METTL24: variants seen among roughly 807,000 people sequenced by gnomAD.
METTL24 encodes the protein methyltransferase like 24, also known as probable methyltransferase-like protein 24.
METTL24 carries 29 observed loss-of-function variants against 32.7 expected under a neutral mutation model. The observed-to-expected ratio is 0.89, with a 90% confidence interval of 0.66 to 1.21. The LOEUF (loss-of-function observed/expected upper bound fraction) is 1.21. METTL24 is among the 50% of genes most tolerant of loss of function. The pLI is 0.00. For missense variants in METTL24, 439 were observed against 468.1 expected (o/e 0.94, Z 0.57); for synonymous variants, 163 against 179.5 (o/e 0.91, Z 0.73).
At position 110,307,035 on chromosome 6, in the gene METTL24, C is replaced by G. The variant is rs185221324; in HGVS notation, c.558-7885G>C. Reference sequence around the variant, plus strand: ...AATAGATGAGTGATGACAGACAGACCTACAAAATGCTGCCCTAAGTGAAAT... The same window carrying G: ...AATAGATGAGTGATGACAGACAGACGTACAAAATGCTGCCCTAAGTGAAAT... On this transcript the variant is annotated intron_variant, in intron 3 of 4. Transcript: ENST00000338882. 1.6e-3 allele frequency among the ~76,000 whole-genome samples: 237 copies of G among 152,288 alleles called. 2 individuals carry two copies. Among genetic ancestry groups the G allele is most frequent in the African/African-American group, 5.1e-3 (213 of 41,564 alleles).
Position 110,339,568 on chromosome 6 carries a change from C to CA in METTL24, c.319-16697dup, listed in dbSNP as rs1356657759. ...AATTCTTGCTCCACTTTAAAGAAAC[C>CA]AAAACTGGGAAGGGTGGGTGATATA... On this transcript the variant is annotated intron_variant, in intron 1 of 4. Transcript: ENST00000338882. 3.3e-4 allele frequency among the ~76,000 whole-genome samples: 50 copies of CA among 152,160 alleles called. 1 individual carries two copies. The highest frequency in any genetic ancestry group is 1.5e-3 in the Admixed American group (23 of 15,284).
rs140761825 is a variant in METTL24, at chr6:110,356,855, A to G, written c.318+1100T>C. 5.8e-3 allele frequency among the ~76,000 whole-genome samples: 880 copies of G among 152,310 alleles called. 9 individuals carry two copies. The highest frequency in any genetic ancestry group is 0.02 in the African/African-American group (812 of 41,562). ...AGTTAGCACGATGGCCCAGCAAGGA[A>G]CAGCAGTGGTGTGGAAAAACGGAGG... On this transcript the variant is annotated intron_variant, in intron 1 of 4. Transcript: ENST00000338882.
chr6:110,313,193 T>C (rs1201023244), intron 3 of METTL24, among the ~76,000 whole-genome samples: 1 of 152,058 alleles, frequency 6.6e-6, no homozygotes, highest in Non-Finnish European at 1.5e-5. Flanking sequence ...TCGACAACCA[T>C]AAATTTTATA....
intron 4 of METTL24, among the ~76,000 whole-genome samples, chr6:110,256,181 AAC>A (rs955326125): frequency 3.9e-5 from 6 of 152,204 alleles, no homozygotes; most frequent in African/African-American, 1.4e-4. Context: ...ACACACACAC[AAC>A]ACACACACAT....
chr6:110,347,967 A>G (rs941875313), intron 1 of METTL24, among the ~76,000 whole-genome samples: 2 of 152,240 alleles, frequency 1.3e-5, no homozygotes, highest in Non-Finnish European at 2.9e-5. Flanking sequence ...CCCTGAGCAT[A>G]TTATATATGC....
At chr6:110,356,307 G>C (rs955031188) in intron 1 of METTL24, among the ~76,000 whole-genome samples, 1 of 152,050 alleles carries the variant, frequency 6.6e-6, no homozygotes, top group Non-Finnish European at 1.5e-5. Flanking sequence ...GCCCAGCGTG[G>C]TGGTGCACGC....
At chr6:110,351,971 T>C (rs1310966819) in intron 1 of METTL24, among the ~76,000 whole-genome samples, 1 of 152,258 alleles carries the variant, frequency 6.6e-6, no homozygotes, top group African/African-American at 2.4e-5. Context: ...AATTGTTAAT[T>C]ATTATAGGCA....
intron 4 of METTL24, among the ~76,000 whole-genome samples, chr6:110,297,187 T>C (rs927526075): frequency 2.6e-5 from 4 of 152,184 alleles, no homozygotes; most frequent in Admixed American, 6.5e-5. Context: ...CTAGGCATCA[T>C]TGTAAATATT....
At chr6:110,257,898 C>G (rs950395697) in intron 4 of METTL24, among the ~76,000 whole-genome samples, 1 of 152,214 alleles carries the variant, frequency 6.6e-6, no homozygotes, top group Admixed American at 6.5e-5. Context: ...GCCAAGGTTT[C>G]AGCGAGGCTT....
chr6:110,315,524 A>T, intron 2 of METTL24, 43 bp from the exon 3 acceptor site: 1 of 1,607,604 alleles, frequency 6.2e-7, no homozygotes, highest in Non-Finnish European at 8.5e-7. Context: ...GAAATGTTGG[A>T]TGATAAATAG....
rs768213680 is a variant in METTL24, at chr6:110,299,047, G to C, written c.661C>G (p.Gln221Glu). The C allele has an allele frequency of 6.2e-7, 1 of 1,614,090 alleles. No individual in the cohort carries two copies. The highest frequency in any genetic ancestry group is 8.5e-7 in the Non-Finnish European group (1 of 1,180,044). ...GACAAGCGGTGATACCAAAGGTGCT[G>C]ACTCTCCAGAATGTGAGCTGACTTG... ...SVKSAHILES[Q>E]HLWYHRLSID... Residue 221 changes from glutamine to glutamate, a missense_variant, in exon 4 of 5, where the codon CAG (glutamine) becomes GAG (glutamate). Coordinates refer to ENST00000338882, the MANE Select transcript of METTL24 (RefSeq NM_001123364.3).
chr6:110,253,075 G>A (rs960841868), intron 4 of METTL24, among the ~76,000 whole-genome samples: 1 of 152,220 alleles, frequency 6.6e-6, no homozygotes, highest in Non-Finnish European at 1.5e-5. Flanking sequence ...GCCGTAAAGG[G>A]TGATGCAGCT....
At chr6:110,302,679 G>A (rs1234367741) in intron 3 of METTL24, among the ~76,000 whole-genome samples, 1 of 141,520 alleles carries the variant, frequency 7.1e-6, no homozygotes, top group Admixed American at 7.0e-5. Flanking sequence ...ACACATACAC[G>A]TGTGTATATA....
At chr6:110,314,475 G>A (rs755447427) in intron 3 of METTL24, among the ~76,000 whole-genome samples, 1 of 151,914 alleles carries the variant, frequency 6.6e-6, no homozygotes, top group African/African-American at 2.4e-5. Flanking sequence ...GTACATCTAG[G>A]TCATTTTCAA....
chr6:110,312,229 G>A (rs928838107), intron 3 of METTL24, among the ~76,000 whole-genome samples: 3 of 152,234 alleles, frequency 2.0e-5, no homozygotes, highest in African/African-American at 4.8e-5. Context: ...TAGAGAAAAG[G>A]GAACTTTTAC....
At chr6:110,280,649 C>T (rs868522301) in intron 4 of METTL24, among the ~76,000 whole-genome samples, 40 of 143,624 alleles carry the variant, frequency 2.8e-4, no homozygotes, top group Admixed American at 2.1e-4. Flanking sequence ...GCAGAGATTT[C>T]TTTTTTTTTT....
intron 2 of METTL24, among the ~76,000 whole-genome samples, chr6:110,319,860 G>A (rs569408453): frequency 1.3e-5 from 2 of 152,060 alleles, no homozygotes; most frequent in Non-Finnish European, 2.9e-5. Flanking sequence ...GGGGTGCCAC[G>A]CCCATTGCTG....
chr6:110,339,573 C>T (rs1772311518), intron 1 of METTL24, among the ~76,000 whole-genome samples: 1 of 152,120 alleles, frequency 6.6e-6, no homozygotes, highest in Non-Finnish European at 1.5e-5. Context: ...GAAACCAAAA[C>T]TGGGAAGGGT....
chr6:110,261,494 T>C (rs139637809), intron 4 of METTL24, among the ~76,000 whole-genome samples: 201 of 152,276 alleles, frequency 1.3e-3, no homozygotes, highest in African/African-American at 4.5e-3. Flanking sequence ...GAAAGACACT[T>C]AGACTCCCAC....
Sources: allele counts gnomAD v4.1 joint callset (sites outside exome capture counted in the v4.1 genomes callset), GRCh38; gene constraint gnomAD v4.1.1; transcripts MANE v1.5; gene names NCBI Gene and HGNC (gene_info 2026-07-23, HGNC 2026-07-21).